The following SEMA6A variants were observed in gnomAD, a reference collection of about 807,000 sequenced individuals.
SEMA6A encodes semaphorin 6A.
In SEMA6A, 25 loss-of-function variants were observed where a neutral mutation model predicts 96.8. The observed-to-expected ratio is 0.26, with a 90% CI of 0.19 to 0.36. The LOEUF (loss-of-function observed/expected upper bound fraction) is 0.36. Ranked by LOEUF, SEMA6A falls within the 10% of genes least tolerant of loss-of-function variation. The pLI, the probability that SEMA6A is intolerant of heterozygous loss-of-function variation, is 1.00. For synonymous variants in SEMA6A, 612 were observed against 518.0 expected, an observed-to-expected ratio of 1.18 and a Z score of -2.46; for missense variants, 1,363 against 1,323.1, an observed-to-expected ratio of 1.03 and a Z score of -0.47.
intron 18 of SEMA6A, among the ~76,000 whole-genome samples, chr5:116,462,429 C>G (rs1755468658): frequency 6.6e-6 from 1 of 152,112 alleles, no homozygotes; most frequent in Non-Finnish European, 1.5e-5. Flanking sequence ...ATCAACTTTC[C>G]CTAGGCTACA....
At chr5:116,452,688 C>G (rs1737090280) in intron 18 of SEMA6A, among the ~76,000 whole-genome samples, 1 of 152,146 alleles carries the variant, frequency 6.6e-6, no homozygotes, top group Non-Finnish European at 1.5e-5. Flanking sequence ...AAAATGTTTT[C>G]TAGTAGTCCT....
chr5:116,545,245 A>G (rs1482518314), intron 1 of SEMA6A, among the ~76,000 whole-genome samples: 3 of 152,216 alleles, frequency 2.0e-5, no homozygotes, highest in South Asian at 2.1e-4. Context: ...GACAGGACAC[A>G]GTAGCAGGGA....
chr5:116,567,955 G>T (rs1761077892), intron 1 of SEMA6A, among the ~76,000 whole-genome samples: 1 of 152,200 alleles, frequency 6.6e-6, no homozygotes, highest in Non-Finnish European at 1.5e-5. Context: ...TAATGATAAT[G>T]TTGAAAGCAA....
At chr5:116,480,622 A>C (rs1756708555) in intron 11 of SEMA6A, among the ~76,000 whole-genome samples, 1 of 152,166 alleles carries the variant, frequency 6.6e-6, no homozygotes, top group South Asian at 2.1e-4. Flanking sequence ...TACTTATCCA[A>C]AAAGGCTGCT....
At chr5:116,552,464 T>C (rs921500180) in intron 1 of SEMA6A, among the ~76,000 whole-genome samples, 2 of 152,220 alleles carry the variant, frequency 1.3e-5, no homozygotes, top group African/African-American at 4.8e-5. Context: ...AACTTTACAC[T>C]AATTACCTGG....
intron 18 of SEMA6A, among the ~76,000 whole-genome samples, chr5:116,467,332 A>G (rs1161262965): frequency 6.6e-6 from 1 of 152,170 alleles, no homozygotes; most frequent in Non-Finnish European, 1.5e-5. Flanking sequence ...GGGCCAAGCC[A>G]CACCTTTTTC....
chr5:116,518,408 A>G (rs192771277), intron 1 of SEMA6A, among the ~76,000 whole-genome samples: 186 of 152,354 alleles, frequency 1.2e-3, no homozygotes, highest in Non-Finnish European at 1.8e-3. Flanking sequence ...TCACCAATTA[A>G]CCCCTAAATC....
intron 1 of SEMA6A, chr5:116,562,730 G>A: frequency 8.2e-6 from 6 of 733,618 alleles, no homozygotes; most frequent in Non-Finnish European, 1.5e-5. Context: ...CCGTGTGACT[G>A]GTGGGATGAA....
chr5:116,523,934 A>G (rs1328461533), intron 1 of SEMA6A, among the ~76,000 whole-genome samples: 3 of 152,222 alleles, frequency 2.0e-5, no homozygotes, highest in Non-Finnish European at 2.9e-5. Context: ...CCATGATTCA[A>G]AAACCTTTAC....
At chr5:116,555,631 G>A (rs1280561672) in intron 1 of SEMA6A, among the ~76,000 whole-genome samples, 1 of 151,694 alleles carries the variant, frequency 6.6e-6, no homozygotes, top group Non-Finnish European at 1.5e-5. Flanking sequence ...TTGAAGCCAG[G>A]AGTTCTGGAG....
chr5:116,567,140 GTTA>G (rs757134382), intron 1 of SEMA6A, among the ~76,000 whole-genome samples: 36 of 152,066 alleles, frequency 2.4e-4, no homozygotes, highest in Non-Finnish European at 4.0e-4. Flanking sequence ...GGCTCTGCTT[GTTA>G]TTATTATTAT....
At chr5:116,497,888 T>C (rs1580439080) in intron 3 of SEMA6A, among the ~76,000 whole-genome samples, 1 of 152,220 alleles carries the variant, frequency 6.6e-6, no homozygotes, top group Non-Finnish European at 1.5e-5. Context: ...ATCGACAGGA[T>C]GGATGACGAC....
chr5:116,540,617 T>C (rs1408236799), intron 1 of SEMA6A, among the ~76,000 whole-genome samples: 1 of 152,144 alleles, frequency 6.6e-6, no homozygotes, highest in Admixed American at 6.5e-5. Flanking sequence ...GGGGGCAGAG[T>C]TTGGCCCCAC....
intron 1 of SEMA6A, among the ~76,000 whole-genome samples, chr5:116,545,021 C>T (rs1405846721): frequency 3.3e-5 from 5 of 152,098 alleles, no homozygotes; most frequent in South Asian, 2.1e-4. Context: ...GACTCTTCCC[C>T]AACACCAGCT....
intron 1 of SEMA6A, among the ~76,000 whole-genome samples, chr5:116,528,418 G>C (rs910216330): frequency 6.6e-6 from 1 of 152,146 alleles, no homozygotes; most frequent in Non-Finnish European, 1.5e-5. Flanking sequence ...ATATCAAGCT[G>C]ATACTGCAGA....
chr5:116,531,642 G>A (rs879262985), intron 1 of SEMA6A, among the ~76,000 whole-genome samples: 3 of 152,126 alleles, frequency 2.0e-5, no homozygotes, highest in Non-Finnish European at 4.4e-5. Context: ...AGTATGTTCA[G>A]CCCTCTTATT....
intron 18 of SEMA6A, among the ~76,000 whole-genome samples, chr5:116,456,712 A>G (rs1561466945): frequency 1.3e-5 from 2 of 152,152 alleles, no homozygotes; most frequent in Non-Finnish European, 2.9e-5. Context: ...CGTATGTCCT[A>G]GATTGGGTCA....
At position 116,502,336 on chromosome 5, in the gene SEMA6A, A is replaced by G; in HGVS notation, c.101-9T>C. On this transcript the variant is annotated splice_polypyrimidine_tract_variant and intron_variant, in intron 2 of 18. Coordinates refer to ENST00000343348, the MANE Select transcript of SEMA6A (RefSeq NM_020796.5). ...CGGATACTGTTTTGTATCTGTGAAA[A>G]GAGGAGATGGGGCAAGAAAGGAAAA... 6.2e-7 allele frequency: 1 copy of G among 1,611,918 alleles called. No homozygotes were observed. Among genetic ancestry groups the G allele is most frequent in the Non-Finnish European group, 8.5e-7 (1 of 1,178,072 alleles).
At position 116,495,528 on chromosome 5, in the gene SEMA6A, C is replaced by T; in HGVS notation, c.343-14G>A. ...GTGGCACTCATCCTGAAAAATAATTCAAACTGTTTTGTATCATGTCCATTC... is the reference window on the plus strand; with the variant it reads ...GTGGCACTCATCCTGAAAAATAATTTAAACTGTTTTGTATCATGTCCATTC... On this transcript the variant is annotated splice_polypyrimidine_tract_variant and intron_variant, in intron 5 of 18. Transcript: ENST00000343348. 6.5e-7 allele frequency: 1 copy of T among 1,546,954 alleles called. No individual in the cohort carries two copies. Among genetic ancestry groups the T allele is most frequent in the Non-Finnish European group, 8.8e-7 (1 of 1,133,100 alleles).
Sources: allele counts gnomAD v4.1 joint callset (sites outside exome capture counted in the v4.1 genomes callset), GRCh38; gene constraint gnomAD v4.1.1; transcripts MANE v1.5; gene names NCBI Gene and HGNC (gene_info 2026-07-23, HGNC 2026-07-21).